ADAM17: variants seen among roughly 807,000 people sequenced by gnomAD.
The protein encoded by ADAM17 is disintegrin and metalloproteinase domain-containing protein 17.
A neutral mutation model predicts 96.7 loss-of-function variants in ADAM17; 39 were observed. The observed-to-expected ratio is 0.40, with a 90% CI of 0.31 to 0.53. ADAM17 has a LOEUF of 0.53. Among genes scored for constraint, ADAM17 ranks in the 20% least tolerant of loss-of-function variants. The pLI is 0.44. For missense variants in ADAM17, 777 were observed against 1,013.2 expected (o/e 0.77, Z 3.17); for synonymous variants, 344 against 359.2 (o/e 0.96, Z 0.48).
intron 6 of ADAM17, among the ~76,000 whole-genome samples, chr2:9,525,416 C>T (rs1664483881): frequency 6.6e-6 from 1 of 152,178 alleles, no homozygotes; most frequent in African/African-American, 2.4e-5. Context: ...CTTTACTGCA[C>T]CAGCTTCTTC....
At chr2:9,546,730 A>ATTTTTTTT (rs1468031215) in intron 1 of ADAM17, among the ~76,000 whole-genome samples, 2 of 30,114 alleles carry the variant, frequency 6.6e-5, no homozygotes, top group African/African-American at 3.9e-4. Flanking sequence ...TTTTTTTTTG[A>ATTTTTTTT]AATGGAGTCT....
chr2:9,541,452 A>G (rs1266492591), intron 2 of ADAM17, among the ~76,000 whole-genome samples: 1 of 152,038 alleles, frequency 6.6e-6, no homozygotes, highest in Admixed American at 6.6e-5. Context: ...AATCCCAGCT[A>G]CTCGGGAAGC....
intron 2 of ADAM17, among the ~76,000 whole-genome samples, chr2:9,538,811 T>C (rs1291662093): frequency 6.6e-6 from 1 of 152,130 alleles, no homozygotes; most frequent in Non-Finnish European, 1.5e-5. Flanking sequence ...GTCATTTTCT[T>C]ACAGATTTCT....
At chr2:9,507,730 CT>C (rs148548679) in intron 11 of ADAM17, among the ~76,000 whole-genome samples, 22,679 of 151,590 alleles carry the variant, frequency 0.15, 1,999 homozygotes, top group Middle Eastern at 0.28. Context: ...TTTCTTTTTC[CT>C]TTTTTTGAGA....
chr2:9,522,810 C>T (rs1314767429), intron 7 of ADAM17, among the ~76,000 whole-genome samples: 1 of 152,056 alleles, frequency 6.6e-6, no homozygotes, highest in Non-Finnish European at 1.5e-5. Context: ...TACAAGAAAT[C>T]AGAAGGAGAT....
intron 1 of ADAM17, among the ~76,000 whole-genome samples, chr2:9,549,783 T>C (rs566125762): frequency 6.6e-6 from 1 of 152,176 alleles, no homozygotes; most frequent in Non-Finnish European, 1.5e-5. Flanking sequence ...CTTTCCAAAA[T>C]GCTGAGATGA....
chr2:9,505,121 C>T (rs747728631), intron 12 of ADAM17, 45 bp downstream of exon 12: 162 of 1,600,220 alleles, frequency 1.0e-4, no homozygotes, highest in Non-Finnish European at 1.2e-4. Context: ...TTTTGGACAT[C>T]TTGTTATACC....
chr2:9,490,394 T>C lies in ADAM17; in HGVS notation c.2258A>G (p.Lys753Arg). The C allele has an allele frequency of 6.2e-7, 1 of 1,614,042 alleles. No individual in the cohort carries two copies. Among genetic ancestry groups the C allele is most frequent in the Non-Finnish European group, 8.5e-7 (1 of 1,180,000 alleles). Residue 753 changes from lysine (K) to arginine (R), a missense_variant, in exon 19 of 19, where the codon AAA becomes AGA. Coordinates refer to ENST00000310823, the MANE Select transcript of ADAM17 (RefSeq NM_003183.6). The stretch of plus-strand genomic sequence containing the variant: ...GGTGTCCATTCTCTGGTGGTCCAGT[T>C]TTGGAGCTGCTGGCGCCGAAGGGAT... ...PVIPSAPAAP[K>R]LDHQRMDTIQ...
chr2:9,521,310 T>C lies in ADAM17; in HGVS notation c.850A>G (p.Ile284Val). ...TTTACCTCTTGTGGAGACTTGAGAA[T>C]GCGAATCTATACTTAAAGAGATCAT... is the stretch of plus-strand genomic sequence containing the variant. ...GYGIQIEQIR[I>V]LKSPQEVKPG... Residue 284 changes from isoleucine (I) to valine (V), a missense_variant, in exon 8 of 19, where the codon ATT (isoleucine) becomes GTT (valine). Transcript: ENST00000310823. 1 of 1,595,290 alleles carries C rather than the reference T, an allele frequency of 6.3e-7. No homozygotes were observed. Among genetic ancestry groups the C allele is most frequent in the Non-Finnish European group, 8.6e-7 (1 of 1,163,090 alleles).
chr2:9,540,736 T>C (rs1665173866), intron 2 of ADAM17, among the ~76,000 whole-genome samples: 1 of 151,934 alleles, frequency 6.6e-6, no homozygotes, highest in African/African-American at 2.4e-5. Context: ...AATAGAAAAA[T>C]AGTCAAAAGA....
At chr2:9,527,730 T>C (rs1572939015) in intron 5 of ADAM17, 56 bp downstream of exon 5, 1 of 1,223,084 alleles carries the variant, frequency 8.2e-7, no homozygotes, top group Non-Finnish European at 1.1e-6. Context: ...CCACCCCTAC[T>C]GAAGTCAATT....
At chr2:9,553,838 C>A (rs1393906357) in intron 1 of ADAM17, among the ~76,000 whole-genome samples, 1 of 151,916 alleles carries the variant, frequency 6.6e-6, no homozygotes, top group Admixed American at 6.6e-5. Context: ...CCCAGGTGGG[C>A]GGATCACGAG....
intron 4 of ADAM17, 98 bp downstream of exon 4, chr2:9,535,736 A>G: frequency 1.5e-6 from 1 of 684,718 alleles, no homozygotes; most frequent in Non-Finnish European, 2.3e-6. Context: ...CGAAGAGGAA[A>G]GAAATAAGTA....
intron 13 of ADAM17, among the ~76,000 whole-genome samples, chr2:9,501,616 T>C (rs1243953715): frequency 1.3e-5 from 2 of 152,186 alleles, no homozygotes; most frequent in South Asian, 2.1e-4. Context: ...TATAGATACA[T>C]ATAGAAAAAC....
In ADAM17 at chr2:9,553,696, A is replaced by AG. The variant is rs1558529715; in HGVS notation, c.97+1812_97+1813insC. Among the ~76,000 whole-genome samples the AG allele has an allele frequency of 4.0e-5, 6 of 151,308 alleles. No individual in the cohort carries two copies. The South Asian group carries it at 1.0e-3, about 26-fold the overall frequency. On this transcript the variant is annotated intron_variant, in intron 1 of 18. Coordinates refer to ENST00000310823, the MANE Select transcript of ADAM17 (RefSeq NM_003183.6). ...GCCTCAAAAAAAAAAAAAAAGAAAG[A>AG]AAAAGAAAAGAAAAGAAAAAAGAAA...
chr2:9,514,739 G>A (rs1663972951), intron 10 of ADAM17, among the ~76,000 whole-genome samples: 1 of 151,408 alleles, frequency 6.6e-6, no homozygotes, highest in Admixed American at 6.6e-5. Flanking sequence ...CGGGCGTGGT[G>A]GTGGGGGTGC....
intron 17 of ADAM17, 111 bp downstream of exon 17, chr2:9,492,787 T>C (rs1662268838): frequency 1.2e-6 from 1 of 846,584 alleles, no homozygotes; most frequent in Non-Finnish European, 1.8e-6. Flanking sequence ...CTATTGGAAA[T>C]ATCAGGCCAA....
chr2:9,508,714 G>A (rs373213349), intron 11 of ADAM17, among the ~76,000 whole-genome samples: 43 of 152,250 alleles, frequency 2.8e-4, no homozygotes, highest in African/African-American at 9.1e-4. Flanking sequence ...ATACTGGGCA[G>A]AGCAGACACA....
intron 12 of ADAM17, among the ~76,000 whole-genome samples, 169 bp from the exon 13 acceptor site, chr2:9,502,445 C>T (rs1306240191): frequency 6.6e-6 from 1 of 152,214 alleles, no homozygotes; most frequent in African/African-American, 2.4e-5. Context: ...TACCTGCACA[C>T]ACTTTGTCCC....
Sources: allele counts gnomAD v4.1 joint callset (sites outside exome capture counted in the v4.1 genomes callset), GRCh38; gene constraint gnomAD v4.1.1; transcripts MANE v1.5; gene names NCBI Gene and HGNC (gene_info 2026-07-23, HGNC 2026-07-21).